Variants in PAN3 observed in about 807,000 individuals in gnomAD.
PAN3 encodes the protein poly(A) specific ribonuclease subunit PAN3.
PAN3 carries 19 observed loss-of-function variants against 96.2 expected under a neutral mutation model. The ratio of observed to expected loss-of-function variants is 0.20; its 90% CI spans 0.14 to 0.29. The LOEUF is 0.29. Among genes scored for constraint, PAN3 ranks in the 10% least tolerant of loss-of-function variants. PAN3 has a pLI of 1.00. For synonymous variants in PAN3, 433 were observed against 406.6 expected (o/e 1.06, Z -0.78); for missense variants, 882 against 1,108.1 (o/e 0.80, Z 2.90).
intron 17 of PAN3, among the ~76,000 whole-genome samples, chr13:28,283,230 G>A (rs1473619758): frequency 6.6e-6 from 1 of 152,042 alleles, no homozygotes; most frequent in Non-Finnish European, 1.5e-5. Context: ...TGTATTTTTG[G>A]TAGAGACAGG....
chr13:28,146,050 C>T (rs1593352573), intron 1 of PAN3, among the ~76,000 whole-genome samples: 2 of 151,996 alleles, frequency 1.3e-5, no homozygotes, highest in African/African-American at 4.8e-5. Flanking sequence ...TGTGAGTCAC[C>T]ATGCTTGGCC....
At chr13:28,272,572 C>CT (rs1320004749) in intron 14 of PAN3, among the ~76,000 whole-genome samples, 1,514 of 143,118 alleles carry the variant, frequency 0.011, 16 homozygotes, top group African/African-American at 0.027. Context: ...GTCAGAGACT[C>CT]TTTTTTTTTT....
intron 6 of PAN3, among the ~76,000 whole-genome samples, chr13:28,224,776 A>C (rs1236573995): frequency 6.6e-6 from 1 of 152,162 alleles, no homozygotes; most frequent in Non-Finnish European, 1.5e-5. Flanking sequence ...ATACATGCCA[A>C]GTTAAAAAAT....
chr13:28,180,536 G>A (rs1028597121), intron 4 of PAN3, among the ~76,000 whole-genome samples: 10 of 152,226 alleles, frequency 6.6e-5, no homozygotes, highest in East Asian at 3.9e-4. Flanking sequence ...TCTGTTTAAC[G>A]AAGTAATTTT....
At chr13:28,167,432 A>G in intron 1 of PAN3, among the ~76,000 whole-genome samples, 1 of 151,970 alleles carries the variant, frequency 6.6e-6, no homozygotes, top group East Asian at 1.9e-4. Context: ...AAGTGTTGGG[A>G]TTATAGGTGT....
At chr13:28,277,789 A>G (rs1246217453) in intron 15 of PAN3, among the ~76,000 whole-genome samples, 2 of 152,236 alleles carry the variant, frequency 1.3e-5, no homozygotes, top group African/African-American at 4.8e-5. Context: ...TCTGTTGGAT[A>G]GTGCTGCTCT....
intron 1 of PAN3, among the ~76,000 whole-genome samples, chr13:28,162,988 G>A (rs1415458923): frequency 2.0e-5 from 3 of 152,048 alleles, no homozygotes; most frequent in Non-Finnish European, 2.9e-5. Flanking sequence ...GAATGCAGTG[G>A]CTTACACCTG....
rs553383699 is a variant in PAN3, at chr13:28,215,284, G to A, written c.853-4947G>A. The stretch of plus-strand genomic sequence containing the variant: ...CCTCTCCAGGGTGTCTACAAAATTG[G>A]TGGTATTGGTACTGTGTCTGTGGAC... On this transcript the variant is annotated intron_variant, in intron 5 of 18. Transcript: ENST00000380958. 335 of 710,156 alleles carry A rather than the reference G, an allele frequency of 4.7e-4. 2 individuals are homozygous for A. In the African/African-American group the frequency reaches 5.4e-3, roughly 11 times the overall value. 44.0% of individuals were successfully genotyped at this position (710,156 alleles called of 1,614,324 possible). A position where few individuals can be genotyped will look rare whatever the true frequency, so the allele number is the denominator to read the frequency against.
At chr13:28,157,957 G>C (rs149820250) in intron 1 of PAN3, among the ~76,000 whole-genome samples, 1 of 152,128 alleles carries the variant, frequency 6.6e-6, no homozygotes. Context: ...ATACTTCAAG[G>C]CTGTAGTAAT....
At chr13:28,182,567 G>A (rs112081628) in intron 4 of PAN3, among the ~76,000 whole-genome samples, 120 of 152,204 alleles carry the variant, frequency 7.9e-4, no homozygotes, top group African/African-American at 2.6e-3. Flanking sequence ...ATTCTTTGGG[G>A]TTAGGAGGCA....
At chr13:28,235,353 T>A (rs940996615) in intron 6 of PAN3, among the ~76,000 whole-genome samples, 4 of 152,240 alleles carry the variant, frequency 2.6e-5, no homozygotes, top group African/African-American at 4.8e-5. Context: ...GCCATCTTTC[T>A]TTTCTGATTA....
At chr13:28,216,971 G>A (rs948757545) in intron 5 of PAN3, among the ~76,000 whole-genome samples, 8 of 151,814 alleles carry the variant, frequency 5.3e-5, no homozygotes, top group African/African-American at 1.4e-4. Context: ...AAAATTAGCC[G>A]GGTGCGGTGG....
At chr13:28,257,234 T>C (rs1208685021) in intron 7 of PAN3, among the ~76,000 whole-genome samples, 2 of 152,050 alleles carry the variant, frequency 1.3e-5, no homozygotes, top group African/African-American at 4.8e-5. Context: ...CAGAGTCAAT[T>C]AGTAATGTTC....
At chr13:28,171,984 C>A (rs547693884) in intron 1 of PAN3, among the ~76,000 whole-genome samples, 1 of 152,096 alleles carries the variant, frequency 6.6e-6, no homozygotes. Flanking sequence ...TGTTAGGAAC[C>A]GAGGTCAGAG....
intron 6 of PAN3, among the ~76,000 whole-genome samples, chr13:28,224,351 A>C (rs2138401660): frequency 6.6e-6 from 1 of 152,302 alleles, no homozygotes; most frequent in East Asian, 1.9e-4. Flanking sequence ...GTGCAGCAGG[A>C]GCAGCACACA....
chr13:28,214,774 G>A, intron 5 of PAN3: 2 of 580,686 alleles, frequency 3.4e-6, no homozygotes, highest in Non-Finnish European at 6.3e-6. Flanking sequence ...AGTACTACAT[G>A]ACTTAGCATT....
intron 1 of PAN3, among the ~76,000 whole-genome samples, chr13:28,146,314 C>CTG (rs1870635629): frequency 6.6e-6 from 1 of 151,600 alleles, no homozygotes; most frequent in South Asian, 2.1e-4. Flanking sequence ...CTCTCTCTCT[C>CTG]TCTCTCTCTC....
At chr13:28,208,297 G>A (rs1348702607) in intron 5 of PAN3, among the ~76,000 whole-genome samples, 1 of 152,116 alleles carries the variant, frequency 6.6e-6, no homozygotes. Flanking sequence ...AGTAGTTCTT[G>A]CCTCTTTGGA....
intron 4 of PAN3, among the ~76,000 whole-genome samples, chr13:28,195,756 C>T (rs886811372): frequency 4.6e-5 from 7 of 151,926 alleles, no homozygotes; most frequent in Non-Finnish European, 8.8e-5. Flanking sequence ...GGGCTGGTCT[C>T]GAACTCCTGA....
Sources: gnomAD v4.1 joint callset for allele counts (sites outside exome capture counted in the v4.1 genomes callset) on GRCh38, gnomAD v4.1.1 for gene constraint, MANE v1.5 for transcripts, NCBI Gene and HGNC (gene_info 2026-07-23, HGNC 2026-07-21) for gene names.